Variants in UBE2K observed in about 807,000 individuals in gnomAD.
The protein encoded by UBE2K is ubiquitin-conjugating enzyme E2 K.
In UBE2K, 6 loss-of-function variants were observed where a neutral mutation model predicts 30.0. That is an observed-to-expected ratio of 0.20 (90% confidence interval 0.11 to 0.39). The LOEUF is 0.39. Among genes scored for constraint, UBE2K ranks in the 10% least tolerant of loss-of-function variants. The pLI is 1.00. For synonymous variants in UBE2K, 86 were observed against 83.7 expected, an observed-to-expected ratio of 1.03 and a Z score of -0.15; for missense variants, 61 against 241.6, an observed-to-expected ratio of 0.25 and a Z score of 4.96.
At chr4:39,717,330 T>TTCAA (rs1040595619) in intron 1 of UBE2K, among the ~76,000 whole-genome samples, 2 of 151,964 alleles carry the variant, frequency 1.3e-5, no homozygotes, top group African/African-American at 4.8e-5. Context: ...ATCTCCCGTG[T>TTCAA]TCAAGCAATT....
At chr4:39,707,220 T>C (rs1157193343) in intron 1 of UBE2K, among the ~76,000 whole-genome samples, 1 of 151,672 alleles carries the variant, frequency 6.6e-6, no homozygotes, top group Non-Finnish European at 1.5e-5. Context: ...TTTTTTTGTT[T>C]TGTTTTGTTT....
chr4:39,764,856 A>T (rs1712208552), intron 4 of UBE2K, among the ~76,000 whole-genome samples: 1 of 151,450 alleles, frequency 6.6e-6, no homozygotes, highest in Admixed American at 6.6e-5. Context: ...CAGTATTTAT[A>T]ATAAGGATTT....
intron 1 of UBE2K, among the ~76,000 whole-genome samples, chr4:39,733,374 T>C (rs188566): frequency 0.3 from 43,516 of 143,854 alleles, 8,161 homozygotes; most frequent in African/African-American, 0.55. Context: ...CGGTCTATCA[T>C]CCAGGCTGCA....
intron 1 of UBE2K, among the ~76,000 whole-genome samples, chr4:39,732,101 T>G (rs1214837854): frequency 6.6e-6 from 1 of 152,202 alleles, no homozygotes; most frequent in Non-Finnish European, 1.5e-5. Flanking sequence ...AACATCATTA[T>G]CAAGAGTCAG....
chr4:39,713,151 A>C (rs1195470996), intron 1 of UBE2K, among the ~76,000 whole-genome samples: 1 of 152,134 alleles, frequency 6.6e-6, no homozygotes, highest in Non-Finnish European at 1.5e-5. Context: ...GGCGTGAGCC[A>C]CCATGCCCGG....
intron 1 of UBE2K, among the ~76,000 whole-genome samples, chr4:39,710,952 G>GAT (rs1446652772): frequency 6.6e-6 from 1 of 151,766 alleles, no homozygotes; most frequent in Non-Finnish European, 1.5e-5. Context: ...AAGCTCACTG[G>GAT]ATAACTTTTT....
intron 1 of UBE2K, among the ~76,000 whole-genome samples, chr4:39,723,362 C>T (rs866789905): frequency 1.8e-4 from 20 of 108,328 alleles, no homozygotes; most frequent in Non-Finnish European, 1.4e-4. Flanking sequence ...GCTGTCTTCT[C>T]TTTTTTTTTT....
At chr4:39,760,193 CAG>C (rs1711821980) in intron 4 of UBE2K, among the ~76,000 whole-genome samples, 6 of 34,804 alleles carry the variant, frequency 1.7e-4, no homozygotes, top group Non-Finnish European at 2.2e-4. Context: ...AAAAAAAAAA[CAG>C]AAAAAAAAAA....
In UBE2K at chr4:39,714,517, C is replaced by CATCTATATAT. The variant is rs1553874880; in HGVS notation, c.63+16129_63+16130insCTATATATAT. 1.1e-3 allele frequency: 47 copies of CATCTATATAT among 41,630 alleles called. 6 individuals are homozygous for CATCTATATAT. Among genetic ancestry groups the CATCTATATAT allele is most frequent in the African/African-American group, 5.2e-3 (39 of 7,528 alleles). 2.6% of individuals were successfully genotyped at this position (41,630 alleles called of 1,614,324 possible). A position where few individuals can be genotyped will look rare whatever the true frequency, so the allele number is the denominator to read the frequency against. On this transcript the variant is annotated intron_variant, in intron 1 of 6. Coordinates refer to ENST00000261427, the MANE Select transcript of UBE2K (RefSeq NM_005339.5). ...TGTCCTCCTTGTCTTTTAGAAGTTT[C>CATCTATATAT]ATATATATATATATATATATATATA...
intron 1 of UBE2K, among the ~76,000 whole-genome samples, chr4:39,730,691 C>T (rs1206402656): frequency 6.6e-6 from 1 of 151,926 alleles, no homozygotes; most frequent in Non-Finnish European, 1.5e-5. Context: ...TCGCTTGAAC[C>T]CCCAAGAGGT....
At chr4:39,717,265 G>T (rs534525951) in intron 1 of UBE2K, among the ~76,000 whole-genome samples, 1 of 145,506 alleles carries the variant, frequency 6.9e-6, no homozygotes, top group South Asian at 2.2e-4. Context: ...ATGGACTCTC[G>T]CTATATCGCC....
chr4:39,768,841 T>A (rs1212729259), intron 4 of UBE2K, among the ~76,000 whole-genome samples: 5 of 152,210 alleles, frequency 3.3e-5, no homozygotes, highest in African/African-American at 1.2e-4. Context: ...TGCTAGGTGA[T>A]ATCTCATTTT....
chr4:39,763,911 T>A (rs1365337242), intron 4 of UBE2K, among the ~76,000 whole-genome samples: 1 of 152,100 alleles, frequency 6.6e-6, no homozygotes, highest in East Asian at 1.9e-4. Context: ...GGCTAATTTT[T>A]TGTAGAGACA....
At chr4:39,744,298 G>C (rs1720868470) in intron 2 of UBE2K, among the ~76,000 whole-genome samples, 2 of 152,004 alleles carry the variant, frequency 1.3e-5, no homozygotes, top group Non-Finnish European at 2.9e-5. Flanking sequence ...TCAGCCTCCT[G>C]AGTAGCTGGG....
intron 2 of UBE2K, among the ~76,000 whole-genome samples, chr4:39,744,924 AT>A (rs1720907170): frequency 6.7e-6 from 1 of 150,120 alleles, no homozygotes; most frequent in African/African-American, 2.4e-5. Flanking sequence ...AAAAAAATAA[AT>A]TAAATAAAAT....
At chr4:39,741,996 G>T (rs1264998697) in intron 2 of UBE2K, among the ~76,000 whole-genome samples, 1 of 152,016 alleles carries the variant, frequency 6.6e-6, no homozygotes, top group Non-Finnish European at 1.5e-5. Flanking sequence ...ATGCTAAGTG[G>T]TCATATATTG....
chr4:39,780,681 A>G lies in UBE2K; in HGVS notation c.*2247A>G, dbSNP rs947484650. The G allele has an allele frequency of 1.3e-5, 2 of 152,092 alleles. No individual in the cohort carries two copies. Among genetic ancestry groups the G allele is most frequent in the Non-Finnish European group, 1.5e-5 (1 of 67,964 alleles). 9.4% of individuals were successfully genotyped at this position (152,092 alleles called of 1,614,324 possible). A position where few individuals can be genotyped will look rare whatever the true frequency, so the allele number is the denominator to read the frequency against. ...ATTTACCTCATTTACATTTAATGTG[A>G]TGATCTTTTTTTTCCTTTCTGGTAT... On this transcript the variant is annotated 3_prime_UTR_variant, in exon 7 of 7. Coordinates refer to ENST00000261427, the MANE Select transcript of UBE2K (RefSeq NM_005339.5).
chr4:39,736,904 G>A (rs1266632794), intron 1 of UBE2K, among the ~76,000 whole-genome samples: 1 of 152,194 alleles, frequency 6.6e-6, no homozygotes, highest in Admixed American at 6.5e-5. Flanking sequence ...CACCATTCTG[G>A]TGGATAGTGT....
chr4:39,771,252 G>C (rs1173830958), intron 4 of UBE2K: 12 of 1,611,798 alleles, frequency 7.4e-6, no homozygotes, highest in Non-Finnish European at 1.0e-5. Flanking sequence ...GGTTAAGCAG[G>C]AACTGGTCCC....
Sources: gnomAD v4.1 joint callset for allele counts (sites outside exome capture counted in the v4.1 genomes callset) on GRCh38, gnomAD v4.1.1 for gene constraint, MANE v1.5 for transcripts, NCBI Gene and HGNC (gene_info 2026-07-23, HGNC 2026-07-21) for gene names.